Variants in TRPV3 observed in about 807,000 individuals in gnomAD.
TRPV3 encodes the protein transient receptor potential cation channel subfamily V member 3.
TRPV3 carries 88 observed loss-of-function variants against 87.1 expected under a neutral mutation model. The observed-to-expected ratio is 1.01, with a 90% CI of 0.85 to 1.21. The LOEUF is 1.21. Among genes scored for constraint, TRPV3 ranks in the 50% most tolerant of loss-of-function variants. The pLI, the probability that TRPV3 is intolerant of heterozygous loss-of-function variation, is 0.00. For synonymous variants in TRPV3, 438 were observed against 423.3 expected (o/e 1.03, Z -0.43); for missense variants, 1,054 against 1,030.1 (o/e 1.02, Z -0.32).
In TRPV3 at chr17:3,535,557, C is replaced by A; in HGVS notation, c.784+16G>T. 1 of 1,570,686 alleles carries A rather than the reference C, an allele frequency of 6.4e-7. No individual in the cohort carries two copies. ...CCCTCCTCCCAGACTCCGCACCGGG[C>A]GGGGGCGGCACCCACCGAAGTAGAA... On this transcript the variant is annotated intron_variant, in intron 7 of 17. Transcript: ENST00000576742.
rs1413786794 is a variant in TRPV3, at chr17:3,516,585, AG to A, written c.2086-17del. 20 of 1,593,942 alleles carry A rather than the reference AG, an allele frequency of 1.3e-5. No homozygotes were observed. Among genetic ancestry groups the A allele is most frequent in the Non-Finnish European group, 1.6e-5 (19 of 1,161,570 alleles). ...TCCTGGCTCTCTGGGGACATAAGCA[AG>A]TCTAAGGAGTAGGCATCCACACTCA... is the stretch of plus-strand genomic sequence containing the variant. On this transcript the variant is annotated splice_polypyrimidine_tract_variant and intron_variant, in intron 15 of 17. Transcript: ENST00000576742.
chr17:3,542,558 A>T lies in TRPV3; in HGVS notation c.607T>A (p.Phe203Ile). ...TCCTCTGTGTACTCGGCGTTGATGA[A>T]CCTGCCCAGGATGTCGTTCTCTTCA... ...FAEENDILGRFINAEYTEEAY... is the reference protein window; with the variant it reads ...FAEENDILGRIINAEYTEEAY... The change falls in exon 6 of 18, where the codon TTC becomes ATC. Residue 203 changes from phenylalanine (F) to isoleucine (I), a missense_variant. Coordinates refer to ENST00000576742, the MANE Select transcript of TRPV3 (RefSeq NM_145068.4). The T allele has an allele frequency of 6.2e-7, 1 of 1,613,988 alleles. No individual in the cohort carries two copies. The highest frequency in any genetic ancestry group is 1.1e-5 in the South Asian group (1 of 91,074).
intron 7 of TRPV3, among the ~76,000 whole-genome samples, chr17:3,533,501 CTTTT>C (rs11378089): frequency 7.2e-6 from 1 of 139,272 alleles, no homozygotes; most frequent in African/African-American, 2.7e-5. Context: ...CTCTGCTTTA[CTTTT>C]TTTTTTTTTT....
In TRPV3 at chr17:3,528,471, G is replaced by C. The variant is rs1328686263; in HGVS notation, c.1402-345C>G. On this transcript the variant is annotated intron_variant, in intron 10 of 17. Transcript: ENST00000576742. This position sits in a 1 kb window ranked among gnomAD's most constrained non-coding sequence, Gnocchi z 4.2. ...GCCGAGGCTCTGTGCCCCACGTGAC[G>C]CATGGGAAACCGAAGCCCAGCAGGC... 1.3e-5 allele frequency among the ~76,000 whole-genome samples: 2 copies of C among 152,152 alleles called. No homozygotes were observed. The highest frequency in any genetic ancestry group is 3.8e-4 in the East Asian group (2 of 5,200).
At position 3,524,241 on chromosome 17, in the gene TRPV3, C is replaced by G. The variant is rs199905369; in HGVS notation, c.1700G>C (p.Arg567Pro). The stretch of plus-strand genomic sequence containing the variant: ...GTACATGCCCATGGACTGGAAACCC[C>G]GCGTATAGTAGAGCATGTTCGCCCA... ...LGWANMLYYT[R>P]GFQSMGMYSV... Residue 567 changes from arginine (R) to proline (P), a missense_variant, in exon 13 of 18, where the codon CGG becomes CCG. Coordinates refer to ENST00000576742, the MANE Select transcript of TRPV3 (RefSeq NM_145068.4). 3.7e-6 allele frequency: 6 copies of G among 1,614,104 alleles called. No homozygotes were observed. In the African/African-American group the frequency reaches 6.7e-5, roughly 18 times the overall value.
intron 5 of TRPV3, 111 bp from the exon 6 acceptor site, chr17:3,542,809 T>C (rs1489217929): frequency 3.5e-6 from 4 of 1,141,948 alleles, no homozygotes; most frequent in African/African-American, 1.6e-5. Flanking sequence ...CTGCTCCACA[T>C]CTCCACTCCC....
chr17:3,530,122 C>G lies in TRPV3; in HGVS notation c.1147G>C (p.Gly383Arg). 6.2e-7 allele frequency: 1 copy of G among 1,614,142 alleles called. No homozygotes were observed. Reference sequence around the variant, plus strand: ...TCGTAGAGGGAGGATGACACGGGTCCGTACGCCCAGTCGGTGAACTTCCTG... The same window carrying G: ...TCGTAGAGGGAGGATGACACGGGTCGGTACGCCCAGTCGGTGAACTTCCTG... The part of the protein sequence containing the change: ...LSRKFTDWAY[G>R]PVSSSLYDLT... The change falls in exon 9 of 18, where the codon GGA becomes CGA. Residue 383 changes from glycine (G) to arginine (R), a missense_variant. Coordinates refer to ENST00000576742, the MANE Select transcript of TRPV3 (RefSeq NM_145068.4). This position sits in a 1 kb window ranked among gnomAD's most constrained non-coding sequence, Gnocchi z 4.0.
At chr17:3,525,440 C>T (rs925006823) in intron 12 of TRPV3, among the ~76,000 whole-genome samples, 7 of 151,896 alleles carry the variant, frequency 4.6e-5, no homozygotes, top group Admixed American at 3.9e-4. Flanking sequence ...TTACAGGGGG[C>T]CGGGAAAGGA....
At chr17:3,521,871 T>G (rs545015422) in intron 13 of TRPV3, among the ~76,000 whole-genome samples, 25 of 151,968 alleles carry the variant, frequency 1.6e-4, no homozygotes, top group African/African-American at 5.8e-4. Flanking sequence ...AGGTCAGGAG[T>G]TGGAGGCCAG....
In TRPV3 at chr17:3,556,551, G is replaced by GGTGGA. The variant is rs960801891; in HGVS notation, c.-3+1120_-3+1124dup. Among the ~76,000 whole-genome samples the GGTGGA allele has an allele frequency of 2.0e-5, 3 of 152,166 alleles. No homozygotes were observed. Among genetic ancestry groups the GGTGGA allele is most frequent in the African/African-American group, 7.2e-5 (3 of 41,436 alleles). ...CTGTAAGAAGAACCCAGCTGGGTGG[G>GGTGGA]GTGGAGCTGGGGCCACTGGTGATCC... On this transcript the variant is annotated intron_variant, in intron 1 of 17. Coordinates refer to ENST00000576742, the MANE Select transcript of TRPV3 (RefSeq NM_145068.4). The surrounding 1 kb of genome is among the most constrained non-coding windows in gnomAD (Gnocchi z 4.2).
intron 5 of TRPV3, among the ~76,000 whole-genome samples, chr17:3,543,211 T>C (rs1346058512): frequency 6.6e-6 from 1 of 152,164 alleles, no homozygotes; most frequent in Non-Finnish European, 1.5e-5. Context: ...TCTCAAGCCC[T>C]GCTTCAGGGT....
chr17:3,556,422 G>T lies in TRPV3; in HGVS notation c.-3+1254C>A, dbSNP rs1292791440. ...ATGACATGGGCGGGGAAAGGGCTGT[G>T]TGGACAGGTGGTGACTGTGTGGTCA... On this transcript the variant is annotated intron_variant, in intron 1 of 17. Transcript: ENST00000576742. This position sits in a 1 kb window ranked among gnomAD's most constrained non-coding sequence, Gnocchi z 4.2. 6.6e-6 allele frequency among the ~76,000 whole-genome samples: 1 copy of T among 151,996 alleles called. No homozygotes were observed. Among genetic ancestry groups the T allele is most frequent in the African/African-American group, 2.4e-5 (1 of 41,378 alleles).
chr17:3,550,646 T>A (rs558374916), intron 2 of TRPV3, among the ~76,000 whole-genome samples: 146 of 146,360 alleles, frequency 1.0e-3, no homozygotes, highest in Middle Eastern at 3.6e-3. Context: ...TGCCTCAGCC[T>A]CCCCAGTAGC....
At position 3,511,806 on chromosome 17, in the gene TRPV3, T is replaced by G. The variant is rs2074117162; in HGVS notation, c.*2111A>C. 6.6e-6 allele frequency: 1 copy of G among 152,232 alleles called. No individual in the cohort carries two copies. Among genetic ancestry groups the G allele is most frequent in the African/African-American group, 2.4e-5 (1 of 41,456 alleles). 9.4% of individuals were successfully genotyped at this position (152,232 alleles called of 1,614,324 possible). A position where few individuals can be genotyped will look rare whatever the true frequency, so the allele number is the denominator to read the frequency against. On this transcript the variant is annotated 3_prime_UTR_variant, in exon 18 of 18. Coordinates refer to ENST00000576742, the MANE Select transcript of TRPV3 (RefSeq NM_145068.4). The stretch of plus-strand genomic sequence containing the variant: ...GAGTCAAAGCAACTCTGGATACGGC[T>G]TTATCCATAACAGATACGGCTTTAT...
chr17:3,540,365 T>C (rs948500119), intron 6 of TRPV3, among the ~76,000 whole-genome samples: 11 of 151,950 alleles, frequency 7.2e-5, no homozygotes, highest in Non-Finnish European at 1.6e-4. Context: ...AAGACAAGAA[T>C]AAATAGCTCC....
At position 3,518,111 on chromosome 17, in the gene TRPV3, G is replaced by A. The variant is rs990656820; in HGVS notation, c.2085+465C>T. On this transcript the variant is annotated intron_variant, in intron 15 of 17. Transcript: ENST00000576742. This position sits in a 1 kb window ranked among gnomAD's most constrained non-coding sequence, Gnocchi z 4.3. The stretch of plus-strand genomic sequence containing the variant: ...TAAGATTACAGGGGTGAGCCACCAT[G>A]CCCGGCCGCCAACCACCATTTCTTA... Among the ~76,000 whole-genome samples, 3 of 152,066 alleles carry A rather than the reference G, an allele frequency of 2.0e-5. No individual in the cohort carries two copies. The highest frequency in any genetic ancestry group is 7.2e-5 in the African/African-American group (3 of 41,400).
chr17:3,540,653 T>C (rs1181850923), intron 6 of TRPV3, among the ~76,000 whole-genome samples: 1 of 152,264 alleles, frequency 6.6e-6, no homozygotes, highest in East Asian at 1.9e-4. Context: ...AAGGGAAACA[T>C]GTTGCTAGCA....
chr17:3,543,069 C>T (rs1251575273), intron 5 of TRPV3, among the ~76,000 whole-genome samples: 2 of 152,000 alleles, frequency 1.3e-5, no homozygotes, highest in African/African-American at 4.8e-5. Flanking sequence ...GTCCCCGAGA[C>T]ACCCAGGGCT....
Position 3,518,688 on chromosome 17 carries a change from A to G in TRPV3, c.1973T>C (p.Leu658Pro). Residue 658 changes from leucine to proline, a missense_variant, in exon 15 of 18, where the codon CTC (leucine) becomes CCC (proline). By Grantham distance (98) the Leu-to-Pro change is moderately conservative (BLOSUM62 -3). Transcript: ENST00000576742. The surrounding 1 kb of genome is among the most constrained non-coding windows in gnomAD (Gnocchi z 4.3). ...SKYPILFLFL[L>P]ITYVILTFVL... ...AAAGGTGAGGATGACATAGGTGATGAGCAGGAACAGAAAGAGAATGGGATA... is the reference window on the plus strand; with the variant it reads ...AAAGGTGAGGATGACATAGGTGATGGGCAGGAACAGAAAGAGAATGGGATA... 6.2e-7 allele frequency: 1 copy of G among 1,610,150 alleles called. No individual in the cohort carries two copies.
Sources: allele counts gnomAD v4.1 joint callset (sites outside exome capture counted in the v4.1 genomes callset), GRCh38; gene constraint gnomAD v4.1.1; non-coding constraint Gnocchi (gnomAD v3.1); transcripts MANE v1.5; gene names NCBI Gene and HGNC (gene_info 2026-07-23, HGNC 2026-07-21).